The following SOX7 variants were observed in gnomAD, a reference collection of about 807,000 sequenced individuals.
SOX7 encodes the protein SRY-box transcription factor 7, also known as transcription factor SOX-7.
SOX7 carries 19 observed loss-of-function variants against 24.9 expected under a neutral mutation model. The observed-to-expected ratio is 0.76, with a 90% CI of 0.53 to 1.12. The LOEUF is 1.12. Ranked by LOEUF, SOX7 falls within the 50% of genes most tolerant of loss-of-function variation. SOX7 has a pLI of 0.00. For synonymous variants in SOX7, 327 were observed against 244.5 expected (o/e 1.34, Z -3.15); for missense variants, 702 against 535.0 (o/e 1.31, Z -3.08).
Position 10,725,874 on chromosome 8 carries a change from G to C in SOX7, c.1031C>G (p.Ser344Cys), listed in dbSNP as rs1800136842. 3 of 1,614,244 alleles carry C rather than the reference G, an allele frequency of 1.9e-6. No homozygotes were observed. Among genetic ancestry groups the C allele is most frequent in the Non-Finnish European group, 2.5e-6 (3 of 1,180,040 alleles). ...QYLNTPGHPD[S>C]ATGAMALSGH... ...ACTGAGGGCCATGGCCCCTGTGGCGGAGTCTGGGTGGCCAGGAGTGTTCAA... is the reference window on the plus strand; with the variant it reads ...ACTGAGGGCCATGGCCCCTGTGGCGCAGTCTGGGTGGCCAGGAGTGTTCAA... The change falls in exon 2 of 2, where the codon TCC becomes TGC. Residue 344 changes from serine (S) to cysteine (C), a missense_variant. By Grantham distance (112) the Ser-to-Cys change is moderately radical. Transcript: ENST00000304501.
chr8:10,725,664 T>C lies in SOX7; in HGVS notation c.*74A>G, dbSNP rs564157680. ...GCGGTGGGAGGAAAGCTGGTGTGGC[T>C]GGACGGCTCCTCTGCCACTCAAGGC... is the stretch of plus-strand genomic sequence containing the variant. On this transcript the variant is annotated 3_prime_UTR_variant, in exon 2 of 2. Transcript: ENST00000304501. The C allele has an allele frequency of 1.4e-5, 22 of 1,521,348 alleles. No homozygotes were observed. The highest frequency in any genetic ancestry group is 9.5e-5 in the African/African-American group (7 of 73,354). 94.2% of individuals were successfully genotyped at this position (1,521,348 alleles called of 1,614,324 possible). A position where few individuals can be genotyped will look rare whatever the true frequency, so the allele number is the denominator to read the frequency against.
chr8:10,726,219 C>T lies in SOX7; in HGVS notation c.686G>A (p.Gly229Asp), dbSNP rs1417444833. The change falls in exon 2 of 2, where the codon GGC (glycine) becomes GAC (aspartate). Residue 229 changes from glycine to aspartate, a missense_variant. Gly to Asp is a moderately conservative substitution (Grantham distance 94). Coordinates refer to ENST00000304501, the MANE Select transcript of SOX7 (RefSeq NM_031439.4). ...FFSSPCQEEH[G>D]HPRRIPHLPG... Reference sequence around the variant, plus strand: ...CAGGTGGGGGATGCGGCGGGGATGGCCATGCTCCTCCTGGCAGGGGGAGGA... The same window carrying T: ...CAGGTGGGGGATGCGGCGGGGATGGTCATGCTCCTCCTGGCAGGGGGAGGA... 1.2e-6 allele frequency: 2 copies of T among 1,611,792 alleles called. No homozygotes were observed. The highest frequency in any genetic ancestry group is 8.5e-7 in the Non-Finnish European group (1 of 1,178,730).
At chr8:10,728,215 T>C (rs937989940) in intron 1 of SOX7, among the ~76,000 whole-genome samples, 3 of 152,234 alleles carry the variant, frequency 2.0e-5, no homozygotes, top group Non-Finnish European at 1.5e-5. Context: ...CTGGATGTTA[T>C]ATAACTAATA....
At chr8:10,726,718 T>A (rs762780040) in intron 1 of SOX7, 52 bp from the exon 2 acceptor site, 4 of 1,490,258 alleles carry the variant, frequency 2.7e-6, no homozygotes, top group Non-Finnish European at 3.6e-6. Flanking sequence ...CCCGCAGGCA[T>A]CGCACATGCA....
In SOX7 at chr8:10,725,004, G is replaced by C. The variant is rs1800112782; in HGVS notation, c.*734C>G. On this transcript the variant is annotated 3_prime_UTR_variant, in exon 2 of 2. Coordinates refer to ENST00000304501, the MANE Select transcript of SOX7 (RefSeq NM_031439.4). ...CCCAAAGTGCTGGGATTACAGGCGTGAGCCACCGTGCCCGGCCTAGACTGT... is the reference window on the plus strand; with the variant it reads ...CCCAAAGTGCTGGGATTACAGGCGTCAGCCACCGTGCCCGGCCTAGACTGT... 1 of 152,204 alleles carries C rather than the reference G, an allele frequency of 6.6e-6. No homozygotes were observed. The highest frequency in any genetic ancestry group is 6.5e-5 in the Admixed American group (1 of 15,278). The allele number at this position is 152,204 out of a possible 1,614,324, so 9.4% of individuals were successfully genotyped here.
In SOX7 at chr8:10,726,122, G is replaced by A. The variant is rs1311542241; in HGVS notation, c.783C>T (p.Ala261=). ...LHCSHPLGSL[A]LGQSPGVSMM... Reference sequence around the variant, plus strand: ...TGGAGACGCCGGGGGACTGGCCAAGGGCCAGGGAGCCCAGGGGGTGGCTAC... The same window carrying A: ...TGGAGACGCCGGGGGACTGGCCAAGAGCCAGGGAGCCCAGGGGGTGGCTAC... The change falls in exon 2 of 2, where the codon GCC becomes GCT. Residue 261 remains alanine (A), a synonymous_variant. Transcript: ENST00000304501. 6 of 1,578,242 alleles carry A rather than the reference G, an allele frequency of 3.8e-6. No homozygotes were observed. The highest frequency in any genetic ancestry group is 5.2e-6 in the Non-Finnish European group (6 of 1,163,212).
Position 10,726,419 on chromosome 8 carries a change from C to A in SOX7, c.486G>T (p.Arg162Ser). Residue 162 changes from arginine to serine, a missense_variant, in exon 2 of 2, where the codon AGG becomes AGT. Arg to Ser is a moderately radical substitution (Grantham distance 110, BLOSUM62 -1). Coordinates refer to ENST00000304501, the MANE Select transcript of SOX7 (RefSeq NM_031439.4). ...SRGALGEKED[R>S]GEYSPGTALP... ...GGGCAGTGCCGGGGGAGTACTCACC[C>A]CTGTCCTCCTTCTCCCCCAGCGCCC... is the stretch of plus-strand genomic sequence containing the variant. 1 of 1,612,338 alleles carries A rather than the reference C, an allele frequency of 6.2e-7. No individual in the cohort carries two copies. Among genetic ancestry groups the A allele is most frequent in the East Asian group, 2.2e-5 (1 of 44,842 alleles).
chr8:10,725,659 G>A lies in SOX7; in HGVS notation c.*79C>T, dbSNP rs1800130448. On this transcript the variant is annotated 3_prime_UTR_variant, in exon 2 of 2. Coordinates refer to ENST00000304501, the MANE Select transcript of SOX7 (RefSeq NM_031439.4). ...CCTGAGCGGTGGGAGGAAAGCTGGT[G>A]TGGCTGGACGGCTCCTCTGCCACTC... The A allele has an allele frequency of 1.3e-6, 2 of 1,491,742 alleles. No homozygotes were observed. The highest frequency in any genetic ancestry group is 9.2e-7 in the Non-Finnish European group (1 of 1,083,962). The allele number at this position is 1,491,742 out of a possible 1,614,324, so 92.4% of individuals were successfully genotyped here.
Position 10,730,155 on chromosome 8 carries a change from C to CGCCCCCG in SOX7, c.238+34_238+40dup. 7.3e-7 allele frequency: 1 copy of CGCCCCCG among 1,364,284 alleles called. No homozygotes were observed. Among genetic ancestry groups the CGCCCCCG allele is most frequent in the Non-Finnish European group, 9.5e-7 (1 of 1,051,022 alleles). The allele number at this position is 1,364,284 out of a possible 1,614,324, so 84.5% of individuals were successfully genotyped here. A position where few individuals can be genotyped will look rare whatever the true frequency, so the allele number is the denominator to read the frequency against. ...GCAGTGCCGCCAGCCGCCCGCCGCC[C>CGCCCCCG]GCCCCCGGCCCCCAGCCCGCTCGGC... On this transcript the variant is annotated intron_variant, in intron 1 of 1. Coordinates refer to ENST00000304501, the MANE Select transcript of SOX7 (RefSeq NM_031439.4). This position sits in a 1 kb window ranked among gnomAD's most constrained non-coding sequence, Gnocchi z 4.8.
intron 1 of SOX7, among the ~76,000 whole-genome samples, chr8:10,728,231 C>T (rs750141353): frequency 6.6e-6 from 1 of 152,160 alleles, no homozygotes; most frequent in Non-Finnish European, 1.5e-5. Context: ...TAATAAAATA[C>T]GTGTTCATTT....
chr8:10,727,734 A>C (rs1329821801), intron 1 of SOX7, among the ~76,000 whole-genome samples: 1 of 152,156 alleles, frequency 6.6e-6, no homozygotes, highest in Non-Finnish European at 1.5e-5. Context: ...GCTACCTCCT[A>C]AGGTGGGCTC....
chr8:10,726,220 C>G lies in SOX7; in HGVS notation c.685G>C (p.Gly229Arg). The change falls in exon 2 of 2, where the codon GGC (glycine) becomes CGC (arginine). Residue 229 changes from glycine (G) to arginine (R), a missense_variant. By Grantham distance (125) the Gly-to-Arg change is moderately radical. Transcript: ENST00000304501. ...FFSSPCQEEH[G>R]HPRRIPHLPG... ...AGGTGGGGGATGCGGCGGGGATGGC[C>G]ATGCTCCTCCTGGCAGGGGGAGGAG... 6.2e-7 allele frequency: 1 copy of G among 1,612,552 alleles called. No homozygotes were observed.
chr8:10,726,233 G>A lies in SOX7; in HGVS notation c.672C>T (p.Cys224=), dbSNP rs771835774. Residue 224 remains cysteine (C), a synonymous_variant, in exon 2 of 2, where the codon TGC becomes TGT. Transcript: ENST00000304501. ...EPEQTFFSSP[C]QEEHGHPRRI... ...GGCGGGGATGGCCATGCTCCTCCTGGCAGGGGGAGGAGAAGAAGGTCTGCT... is the reference window on the plus strand; with the variant it reads ...GGCGGGGATGGCCATGCTCCTCCTGACAGGGGGAGGAGAAGAAGGTCTGCT... The A allele has an allele frequency of 1.2e-6, 2 of 1,613,678 alleles. No homozygotes were observed. The highest frequency in any genetic ancestry group is 2.2e-5 in the South Asian group (2 of 91,070).
In SOX7 at chr8:10,725,566, G is replaced by A; in HGVS notation, c.*172C>T. On this transcript the variant is annotated 3_prime_UTR_variant, in exon 2 of 2. Transcript: ENST00000304501. Reference sequence around the variant, plus strand: ...CTGGAACGTGGGGAAGGGGATAGAGGCGGCACTCGGATAAGGAGAGTCCAG... The same window carrying A: ...CTGGAACGTGGGGAAGGGGATAGAGACGGCACTCGGATAAGGAGAGTCCAG... The A allele has an allele frequency of 7.8e-6, 5 of 640,156 alleles. No individual in the cohort carries two copies. The highest frequency in any genetic ancestry group is 1.3e-5 in the Non-Finnish European group (5 of 370,954). 39.7% of individuals were successfully genotyped at this position (640,156 alleles called of 1,614,324 possible).
Position 10,730,402 on chromosome 8 carries a change from G to T in SOX7, c.32C>A (p.Pro11His). The T allele has an allele frequency of 6.6e-7, 1 of 1,507,018 alleles. No homozygotes were observed. Among genetic ancestry groups the T allele is most frequent in the Non-Finnish European group, 8.8e-7 (1 of 1,134,218 alleles). 93.4% of individuals were successfully genotyped at this position (1,507,018 alleles called of 1,614,324 possible). The change falls in exon 1 of 2, where the codon CCC becomes CAC. Residue 11 changes from proline to histidine, a missense_variant. Physicochemically the swap from Pro to His is moderately conservative, Grantham distance 77 (BLOSUM62 -2). Coordinates refer to ENST00000304501, the MANE Select transcript of SOX7 (RefSeq NM_031439.4). This position sits in a 1 kb window ranked among gnomAD's most constrained non-coding sequence, Gnocchi z 4.8. MASLLGAYPW[P>H]EGLECPALDA... ...CAGGGCCGGGCACTCGAGACCCTCG[G>T]GCCAAGGGTAGGCTCCCAGCAGCGA...
chr8:10,726,480 T>C lies in SOX7; in HGVS notation c.425A>G (p.Gln142Arg). ...GCTTCTCTTCTCCGGCAGGGCGTTC[T>C]GGTCCCGGGAGAGGGAGCTCAGAAG... ...GFLLSSLSRD[Q>R]NALPEKRSGS... The change falls in exon 2 of 2, where the codon CAG (glutamine) becomes CGG (arginine). Residue 142 changes from glutamine (Q) to arginine (R), a missense_variant. Gln to Arg is a conservative substitution (Grantham distance 43). Transcript: ENST00000304501. 1.2e-6 allele frequency: 2 copies of C among 1,612,388 alleles called. No individual in the cohort carries two copies. Among genetic ancestry groups the C allele is most frequent in the Non-Finnish European group, 1.7e-6 (2 of 1,179,930 alleles).
intron 1 of SOX7, among the ~76,000 whole-genome samples, chr8:10,727,698 G>A (rs866669786): frequency 1.3e-5 from 2 of 152,180 alleles, no homozygotes; most frequent in Non-Finnish European, 2.9e-5. Context: ...AGGGGTGGGG[G>A]GCTTCTGGAC....
intron 1 of SOX7, among the ~76,000 whole-genome samples, chr8:10,727,982 G>A (rs1295316501): frequency 6.6e-6 from 1 of 152,202 alleles, no homozygotes; most frequent in Non-Finnish European, 1.5e-5. Context: ...GTACCAATTG[G>A]GAGAAAATTT....
Position 10,726,526 on chromosome 8 carries a change from T to G in SOX7, c.379A>C (p.Lys127Gln). The G allele has an allele frequency of 6.2e-7, 1 of 1,612,600 alleles. No homozygotes were observed. The highest frequency in any genetic ancestry group is 8.5e-7 in the Non-Finnish European group (1 of 1,179,958). ...AGAAGGAAGCCCGGGTCCACGCGCTTGCACAGCCGCTTGGCCTGCTTCTTC... is the reference window on the plus strand; with the variant it reads ...AGAAGGAAGCCCGGGTCCACGCGCTGGCACAGCCGCTTGGCCTGCTTCTTC... ...RRKKQAKRLCKRVDPGFLLSS... is the reference protein window; with the variant it reads ...RRKKQAKRLCQRVDPGFLLSS... Residue 127 changes from lysine (K) to glutamine (Q), a missense_variant, in exon 2 of 2, where the codon AAG (lysine) becomes CAG (glutamine). Lys to Gln is a moderately conservative substitution (Grantham distance 53). Transcript: ENST00000304501.
Sources: allele counts gnomAD v4.1 joint callset (sites outside exome capture counted in the v4.1 genomes callset), GRCh38; gene constraint gnomAD v4.1.1; non-coding constraint Gnocchi (gnomAD v3.1); transcripts MANE v1.5; gene names NCBI Gene and HGNC (gene_info 2026-07-23, HGNC 2026-07-21).